The following RBFOX1 variants were observed in gnomAD, a reference collection of about 807,000 sequenced individuals.
RBFOX1 encodes RNA binding protein fox-1 homolog 1.
RBFOX1 carries 8 observed loss-of-function variants against 57.7 expected under a neutral mutation model. That is an observed-to-expected ratio of 0.14 (90% CI 0.08 to 0.25). The LOEUF is 0.25. Among genes scored for constraint, RBFOX1 ranks in the 10% least tolerant of loss-of-function variants. The pLI is 1.00. For synonymous variants in RBFOX1, 326 were observed against 222.4 expected, an observed-to-expected ratio of 1.47 and a Z score of -4.15; for missense variants, 611 against 548.5, an observed-to-expected ratio of 1.11 and a Z score of -1.14.
chr16:7,552,225 A>C (rs1248545527), intron 5 of RBFOX1, among the ~76,000 whole-genome samples: 3 of 152,020 alleles, frequency 2.0e-5, no homozygotes, highest in Admixed American at 1.3e-4. Flanking sequence ...TTTTTCATAG[A>C]ATTTTACAAC....
chr16:7,233,158 C>A (rs2093596916), intron 4 of RBFOX1, among the ~76,000 whole-genome samples: 1 of 152,028 alleles, frequency 6.6e-6, no homozygotes, highest in Non-Finnish European at 1.5e-5. Context: ...TTAATCCCAA[C>A]CACCTTCATA....
chr16:6,482,815 T>C (rs2153099250), intron 2 of RBFOX1, among the ~76,000 whole-genome samples: 3 of 152,282 alleles, frequency 2.0e-5, no homozygotes, highest in Admixed American at 2.0e-4. Context: ...AGCAGCATAT[T>C]GGAAGTCATA....
intron 4 of RBFOX1, among the ~76,000 whole-genome samples, chr16:7,456,126 C>G (rs190226348): frequency 1.3e-5 from 2 of 152,188 alleles, no homozygotes; most frequent in Non-Finnish European, 2.9e-5. Context: ...CCCTTTTGCA[C>G]TGCCCCCAGA....
chr16:5,450,822 G>C (rs2068402364), intron 1 of RBFOX1, among the ~76,000 whole-genome samples: 1 of 152,172 alleles, frequency 6.6e-6, no homozygotes. Context: ...AGCTAGAAGT[G>C]TGCACCAGAT....
At chr16:6,549,850 C>G (rs1459593356) in intron 2 of RBFOX1, among the ~76,000 whole-genome samples, 1 of 152,112 alleles carries the variant, frequency 6.6e-6, no homozygotes, top group Non-Finnish European at 1.5e-5. Flanking sequence ...AAAGGAAACA[C>G]AAGCACACAG....
intron 3 of RBFOX1, among the ~76,000 whole-genome samples, chr16:7,017,187 C>A (rs1033945992): frequency 1.3e-5 from 2 of 152,142 alleles, no homozygotes; most frequent in African/African-American, 2.4e-5. Flanking sequence ...ATCGTATCTG[C>A]TTCAAGTGTT....
chr16:6,976,716 TATC>T (rs1226473093), intron 3 of RBFOX1, among the ~76,000 whole-genome samples: 8 of 148,560 alleles, frequency 5.4e-5, no homozygotes, highest in African/African-American at 1.2e-4. Flanking sequence ...ATAGCATACA[TATC>T]ATATATATCA....
Position 6,153,536 on chromosome 16 carries a change from G to GT in RBFOX1, c.-127+133554dup, listed in dbSNP as rs771545988. Among the ~76,000 whole-genome samples the GT allele has an allele frequency of 1.1e-3, 171 of 149,356 alleles. 2 individuals carry two copies. The East Asian group carries it at 0.019, about 16-fold the overall frequency. On this transcript the variant is annotated intron_variant, in intron 1 of 15. Coordinates refer to ENST00000550418, the MANE Select transcript of RBFOX1 (RefSeq NM_018723.4). Reference sequence around the variant, plus strand: ...TCCAAGTTCCCAAAGTCCATTGTACGTTTTTTTTTTCCCCCTTGGGATGGA... The same window carrying GT: ...TCCAAGTTCCCAAAGTCCATTGTACGTTTTTTTTTTTCCCCCTTGGGATGGA...
At chr16:5,485,294 C>G (rs1030271520) in intron 2 of RBFOX1, among the ~76,000 whole-genome samples, 6 of 135,848 alleles carry the variant, frequency 4.4e-5, no homozygotes, top group African/African-American at 1.4e-4. Context: ...TGCAGTAAGC[C>G]GAGATTGCGC....
At chr16:7,352,380 G>A (rs1230463119) in intron 4 of RBFOX1, among the ~76,000 whole-genome samples, 1 of 152,204 alleles carries the variant, frequency 6.6e-6, no homozygotes, top group Non-Finnish European at 1.5e-5. Context: ...GTTCTCAGAA[G>A]TTGAATTTCC....
intron 1 of RBFOX1, among the ~76,000 whole-genome samples, chr16:5,314,488 A>G (rs192768087): frequency 6.6e-6 from 1 of 152,216 alleles, no homozygotes; most frequent in Non-Finnish European, 1.5e-5. Context: ...AAATGCTTTC[A>G]TTTCTTTTAT....
intron 4 of RBFOX1, among the ~76,000 whole-genome samples, chr16:5,886,442 G>A (rs559137779): frequency 7.2e-5 from 11 of 152,290 alleles, no homozygotes; most frequent in South Asian, 4.1e-4. Context: ...TAACTTTGGC[G>A]TATGAATTCT....
chr16:5,831,482 A>G (rs1163244820), intron 3 of RBFOX1, among the ~76,000 whole-genome samples: 1 of 144,966 alleles, frequency 6.9e-6, no homozygotes. Flanking sequence ...TTTTATTATT[A>G]TTATTATTAT....
rs1598830495 is a variant in RBFOX1, at chr16:6,252,214, A to G, written c.-126-64781A>G. On this transcript the variant is annotated intron_variant, in intron 1 of 15. Coordinates refer to ENST00000550418, the MANE Select transcript of RBFOX1 (RefSeq NM_018723.4). ...CCGCAACTTGATAGAAAAGGCAGAG[A>G]GCCCTTCTGCCATTTCTTCTCTCAA... 2.0e-5 allele frequency among the ~76,000 whole-genome samples: 3 copies of G among 152,176 alleles called. No homozygotes were observed. In the South Asian group the frequency reaches 6.2e-4, roughly 32 times the overall value.
At chr16:5,510,157 C>T (rs987936020) in intron 2 of RBFOX1, among the ~76,000 whole-genome samples, 7 of 152,228 alleles carry the variant, frequency 4.6e-5, no homozygotes, top group African/African-American at 1.7e-4. Flanking sequence ...TATTTAACCT[C>T]TCTGTGCCTC....
intron 3 of RBFOX1, among the ~76,000 whole-genome samples, chr16:6,904,319 G>A (rs75287274): frequency 6.6e-6 from 1 of 151,898 alleles, no homozygotes; most frequent in African/African-American, 2.4e-5. Context: ...TCCATCTTTA[G>A]GCCAGGTGGG....
In RBFOX1 at chr16:7,336,281, C is replaced by T. The variant is rs77803390; in HGVS notation, c.28-181866C>T. Among the ~76,000 whole-genome samples, 949 of 152,322 alleles carry T rather than the reference C, an allele frequency of 6.2e-3. 10 individuals carry two copies. Among genetic ancestry groups the T allele is most frequent in the African/African-American group, 0.021 (888 of 41,574 alleles). ...TAGGCTATTTGGTTAGTGTTTGGGT[C>T]TAATGTGTTGGCTCTGGGCTGCAAG... On this transcript the variant is annotated intron_variant, in intron 4 of 15. Transcript: ENST00000550418.
intron 3 of RBFOX1, among the ~76,000 whole-genome samples, chr16:6,717,772 G>T (rs193132112): frequency 6.6e-6 from 1 of 152,240 alleles, no homozygotes; most frequent in Non-Finnish European, 1.5e-5. Context: ...TTTACGGGCT[G>T]CAATTCTCAA....
intron 2 of RBFOX1, among the ~76,000 whole-genome samples, chr16:6,614,168 C>T (rs1001521296): frequency 6.6e-6 from 1 of 152,112 alleles, no homozygotes; most frequent in Non-Finnish European, 1.5e-5. Flanking sequence ...TTCTACAGAT[C>T]ATATCATTCA....
Sources: allele counts gnomAD v4.1 joint callset (sites outside exome capture counted in the v4.1 genomes callset), GRCh38; gene constraint gnomAD v4.1.1; transcripts MANE v1.5; gene names NCBI Gene and HGNC (gene_info 2026-07-23, HGNC 2026-07-21).